WWC2: variants seen among roughly 807,000 people sequenced by gnomAD.
WWC2 encodes WW and C2 domain containing 2.
Under a neutral mutation model 138.5 loss-of-function variants are expected in WWC2, and 101 were observed. The observed-to-expected ratio is 0.73, with a 90% CI of 0.62 to 0.86. The LOEUF (loss-of-function observed/expected upper bound fraction) is 0.86, where lower values mean the gene tolerates loss of function less well. Ranked by LOEUF, WWC2 falls within the 40% of genes least tolerant of loss-of-function variation. The probability of loss-of-function intolerance (pLI) is 0.00; values close to 1 mark genes in which losing one functional copy is unlikely to be tolerated. For missense variants in WWC2, 1,420 were observed against 1,419.4 expected, an observed-to-expected ratio of 1.00 and a Z score of -0.01; for synonymous variants, 558 against 538.4, an observed-to-expected ratio of 1.04 and a Z score of -0.50.
rs1274360596 is a variant in WWC2, at chr4:183,312,368, C to G, written c.3412C>G (p.Gln1138Glu). 3.1e-6 allele frequency: 5 copies of G among 1,613,624 alleles called. No homozygotes were observed. Among genetic ancestry groups the G allele is most frequent in the South Asian group, 1.1e-5 (1 of 91,052 alleles). The change falls in exon 22 of 23, where the codon CAA becomes GAA. Residue 1138 changes from glutamine (Q) to glutamate (E), a missense_variant. Transcript: ENST00000403733. ...QAEQSKEEQK[Q>E]GLNAEKLMRQ... is the part of the protein sequence containing the mutation. Reference sequence around the variant, plus strand: ...TGAACAGTCCAAAGAAGAGCAGAAGCAAGGTCTGAATGCAGAGAAGTTGAT... The same window carrying G: ...TGAACAGTCCAAAGAAGAGCAGAAGGAAGGTCTGAATGCAGAGAAGTTGAT...
At chr4:183,300,291 G>A (rs1397741400) in intron 21 of WWC2, among the ~76,000 whole-genome samples, 1 of 151,904 alleles carries the variant, frequency 6.6e-6, no homozygotes, top group Non-Finnish European at 1.5e-5. Context: ...GCCGAGAGAG[G>A]ACTGGGGTTC....
In WWC2 at chr4:183,245,274, C is replaced by G. The variant is rs529596484; in HGVS notation, c.603-142C>G. On this transcript the variant is annotated intron_variant, in intron 5 of 22. Transcript: ENST00000403733. ...AGAGAGAGAAAGGAGGAGAAACTGC[C>G]TGAAAAGATGATTGCTGGTATATGA... is the stretch of plus-strand genomic sequence containing the variant. The G allele has an allele frequency of 6.0e-5, 32 of 530,174 alleles. No homozygotes were observed. In the East Asian group the frequency reaches 1.6e-3, roughly 26 times the overall value. 32.8% of individuals were successfully genotyped at this position (530,174 alleles called of 1,614,324 possible).
intron 2 of WWC2, among the ~76,000 whole-genome samples, chr4:183,199,667 G>C (rs1735248629): frequency 6.6e-6 from 1 of 152,160 alleles, no homozygotes; most frequent in African/African-American, 2.4e-5. Context: ...ACAGTAGGAA[G>C]AACAGAAATA....
At chr4:183,310,744 A>G (rs1220508356) in intron 21 of WWC2, among the ~76,000 whole-genome samples, 6 of 146,846 alleles carry the variant, frequency 4.1e-5, no homozygotes, top group South Asian at 2.2e-4. Context: ...GCCTTGAGCA[A>G]TCTTCCCACC....
intron 1 of WWC2, among the ~76,000 whole-genome samples, chr4:183,145,392 T>C (rs62336600): frequency 0.021 from 3,122 of 152,120 alleles, 49 homozygotes; most frequent in Middle Eastern, 0.048. Flanking sequence ...TAAAGAAGAG[T>C]TTAAAAATAG....
intron 1 of WWC2, among the ~76,000 whole-genome samples, chr4:183,138,111 C>T (rs924183792): frequency 2.6e-5 from 4 of 152,150 alleles, no homozygotes; most frequent in African/African-American, 9.7e-5. Flanking sequence ...GTTTTAGCCA[C>T]CACATAGGGT....
intron 21 of WWC2, among the ~76,000 whole-genome samples, chr4:183,305,745 G>A (rs1344566089): frequency 1.3e-5 from 2 of 152,170 alleles, no homozygotes; most frequent in African/African-American, 4.8e-5. Flanking sequence ...CAGTGGACCT[G>A]CCTAGCAAGA....
At chr4:183,279,850 C>CT (rs1738006667) in intron 16 of WWC2, among the ~76,000 whole-genome samples, 1 of 152,216 alleles carries the variant, frequency 6.6e-6, no homozygotes, top group African/African-American at 2.4e-5. Flanking sequence ...CAGTTTCACT[C>CT]TGATATGCTA....
Position 183,319,832 on chromosome 4 carries a change from C to T in WWC2, c.*4103C>T, listed in dbSNP as rs754433732. The T allele has an allele frequency of 1.1e-5, 18 of 1,613,850 alleles. No homozygotes were observed. In the African/African-American group the frequency reaches 1.5e-4, roughly 13 times the overall value. ...AGACGGGAACCAGGGCTGTGACTCC[C>T]GAGGCCCAGGACAGAATTCCTCCCA... On this transcript the variant is annotated 3_prime_UTR_variant, in exon 23 of 23. Coordinates refer to ENST00000403733, the MANE Select transcript of WWC2 (RefSeq NM_024949.6).
chr4:183,117,523 G>A (rs887623932), intron 1 of WWC2, among the ~76,000 whole-genome samples: 5 of 150,594 alleles, frequency 3.3e-5, no homozygotes, highest in Admixed American at 6.6e-5. Flanking sequence ...GCCCGGCCAC[G>A]TTCTTTTCTA....
intron 11 of WWC2, among the ~76,000 whole-genome samples, chr4:183,262,224 A>G (rs570817192): frequency 6.6e-6 from 1 of 152,320 alleles, no homozygotes; most frequent in South Asian, 2.1e-4. Context: ...TATGTTAGAT[A>G]TGATTGTAAA....
At chr4:183,119,857 C>T (rs907709595) in intron 1 of WWC2, among the ~76,000 whole-genome samples, 1 of 152,088 alleles carries the variant, frequency 6.6e-6, no homozygotes, top group Non-Finnish European at 1.5e-5. Context: ...TTTCTTTCCA[C>T]GATTTTCATT....
At chr4:183,151,599 C>A (rs1160068068) in intron 1 of WWC2, among the ~76,000 whole-genome samples, 1 of 152,184 alleles carries the variant, frequency 6.6e-6, no homozygotes, top group Non-Finnish European at 1.5e-5. Flanking sequence ...GTGTTTTAGA[C>A]ATGAAGTCCT....
At chr4:183,296,933 C>CAAAAA (rs776211338) in intron 21 of WWC2, among the ~76,000 whole-genome samples, 10 of 70,764 alleles carry the variant, frequency 1.4e-4, no homozygotes, top group African/African-American at 4.4e-4. Context: ...GACTCCGTCT[C>CAAAAA]AAAAAAAAAA....
intron 1 of WWC2, among the ~76,000 whole-genome samples, chr4:183,111,508 CTG>C (rs1001007953): frequency 4.4e-4 from 67 of 151,692 alleles, no homozygotes; most frequent in African/African-American, 1.6e-3. Context: ...TTCTTTGAAA[CTG>C]TGACAGTGAA....
Position 183,289,493 on chromosome 4 carries a change from G to T in WWC2, c.3242G>T (p.Ser1081Ile). Reference sequence around the variant, plus strand: ...CTTCAGGCATCTCTGACCCGGCAGAGCCGCCTCAATGATGAGCTGCAGGCG... The same window carrying T: ...CTTCAGGCATCTCTGACCCGGCAGATCCGCCTCAATGATGAGCTGCAGGCG... ...LDLQASLTRQ[S>I]RLNDELQALR... The change falls in exon 21 of 23, where the codon AGC (serine) becomes ATC (isoleucine). Residue 1081 changes from serine to isoleucine, a missense_variant. Transcript: ENST00000403733. 6.2e-7 allele frequency: 1 copy of T among 1,613,810 alleles called. No homozygotes were observed. Among genetic ancestry groups the T allele is most frequent in the Admixed American group, 1.7e-5 (1 of 59,992 alleles).
At chr4:183,117,827 G>A (rs556630010) in intron 1 of WWC2, among the ~76,000 whole-genome samples, 3 of 148,256 alleles carry the variant, frequency 2.0e-5, no homozygotes, top group East Asian at 4.1e-4. Flanking sequence ...TCGCTCTGTC[G>A]CCCAGGCTGG....
At position 183,159,713 on chromosome 4, in the gene WWC2, CTTTTTT is replaced by C. The variant is rs5741942; in HGVS notation, c.132-33875_132-33870del. On this transcript the variant is annotated intron_variant, in intron 1 of 22. Coordinates refer to ENST00000403733, the MANE Select transcript of WWC2 (RefSeq NM_024949.6). ...AGCCACTGTACCTGCCTGAACTTAC[CTTTTTT>C]TTTTTTTTTTAAAAAAAAAAAATTG... 4.9e-5 allele frequency among the ~76,000 whole-genome samples: 7 copies of C among 142,098 alleles called. No individual in the cohort carries two copies. In the East Asian group the frequency reaches 1.0e-3, roughly 21 times the overall value. 93.2% of individuals were successfully genotyped at this position (142,098 alleles called of 152,430 possible).
Position 183,320,357 on chromosome 4 carries a change from G to A in WWC2, c.*4628G>A. ...ATATAGGAGGATTCTTGCCAGAGTT[G>A]CTATTGTTTGATTCCATGTTGAATG... is the stretch of plus-strand genomic sequence containing the variant. On this transcript the variant is annotated 3_prime_UTR_variant, in exon 23 of 23. Transcript: ENST00000403733. The A allele has an allele frequency of 1.2e-6, 1 of 818,470 alleles. No homozygotes were observed. Among genetic ancestry groups the A allele is most frequent in the South Asian group, 1.9e-5 (1 of 52,872 alleles). The allele number at this position is 818,470 out of a possible 1,614,324, so 50.7% of individuals were successfully genotyped here.
Sources: gnomAD v4.1 joint callset for allele counts (sites outside exome capture counted in the v4.1 genomes callset) on GRCh38, gnomAD v4.1.1 for gene constraint, MANE v1.5 for transcripts, NCBI Gene and HGNC (gene_info 2026-07-23, HGNC 2026-07-21) for gene names.